CSMD3: variants seen among roughly 807,000 people sequenced by gnomAD.
CSMD3 encodes the protein CUB and Sushi multiple domains 3.
CSMD3 carries 177 observed loss-of-function variants against 435.2 expected under a neutral mutation model. The observed-to-expected ratio is 0.41, with a 90% CI of 0.36 to 0.46. The LOEUF is 0.46. CSMD3 is among the 20% of genes least tolerant of loss of function. The probability of loss-of-function intolerance (pLI) is 0.34; values close to 1 mark genes in which losing one functional copy is unlikely to be tolerated. For synonymous variants in CSMD3, 1,656 were observed against 1,520.5 expected (o/e 1.09, Z -2.07); for missense variants, 4,265 against 4,504.6 (o/e 0.95, Z 1.52).
At chr8:112,973,964 G>A (rs534561581) in intron 7 of CSMD3, among the ~76,000 whole-genome samples, 34 of 151,886 alleles carry the variant, frequency 2.2e-4, no homozygotes, top group African/African-American at 8.2e-4. Flanking sequence ...AAAAATAAAT[G>A]AGGAATACAT....
chr8:112,734,132 G>A (rs2077134052), intron 13 of CSMD3, among the ~76,000 whole-genome samples: 1 of 151,854 alleles, frequency 6.6e-6, no homozygotes, highest in Non-Finnish European at 1.5e-5. Context: ...AACAAAAGAA[G>A]TTGGCCATTT....
intron 2 of CSMD3, among the ~76,000 whole-genome samples, chr8:113,289,953 A>C (rs1290318418): frequency 6.6e-6 from 1 of 151,760 alleles, no homozygotes; most frequent in Non-Finnish European, 1.5e-5. Flanking sequence ...TTAGCAAAAC[A>C]TGAAATTTAC....
At position 112,262,212 on chromosome 8, in the gene CSMD3, C is replaced by T. The variant is rs553285898; in HGVS notation, c.9862+1427G>A. Among the ~76,000 whole-genome samples, 118 of 151,948 alleles carry T rather than the reference C, an allele frequency of 7.8e-4. 1 individual carries two copies. The highest frequency in any genetic ancestry group is 3.4e-3 in the Middle Eastern group (1 of 294). ...GTATGTGTGTGAACTAATTGCCTTG[C>T]AGACTTAATTAAAATGTCCATTCTT... On this transcript the variant is annotated intron_variant, in intron 61 of 70. Transcript: ENST00000297405.
intron 1 of CSMD3, among the ~76,000 whole-genome samples, chr8:113,321,498 G>C (rs1190754845): frequency 6.6e-6 from 1 of 151,910 alleles, no homozygotes; most frequent in Non-Finnish European, 1.5e-5. Flanking sequence ...AGTGTCACTT[G>C]TCATTTATCT....
At chr8:112,859,114 T>C in intron 11 of CSMD3, 31 bp downstream of exon 11, 2 of 1,599,290 alleles carry the variant, frequency 1.3e-6, no homozygotes, top group Non-Finnish European at 1.7e-6. Flanking sequence ...ATTATGACTT[T>C]TTTTTTAAAT....
intron 1 of CSMD3, among the ~76,000 whole-genome samples, chr8:113,329,619 T>A (rs936067349): frequency 6.6e-6 from 1 of 151,994 alleles, no homozygotes; most frequent in African/African-American, 2.4e-5. Context: ...CAAATATGAT[T>A]TCAAAATATT....
intron 3 of CSMD3, among the ~76,000 whole-genome samples, chr8:113,200,995 G>A (rs1564419699): frequency 1.3e-5 from 2 of 151,724 alleles, no homozygotes; most frequent in South Asian, 2.1e-4. Flanking sequence ...AACTCACCAG[G>A]AAGCAAGATC....
chr8:113,173,654 G>C (rs2092304205), intron 4 of CSMD3, 68 bp downstream of exon 4: 1 of 1,234,902 alleles, frequency 8.1e-7, no homozygotes, highest in African/African-American at 1.5e-5. Flanking sequence ...GAAGAAACAG[G>C]CACCAAACAC....
At chr8:112,728,894 T>A (rs192482290) in intron 13 of CSMD3, among the ~76,000 whole-genome samples, 24 of 152,196 alleles carry the variant, frequency 1.6e-4, no homozygotes, top group African/African-American at 5.8e-4. Context: ...AAATAACTTT[T>A]AAAATTGCAT....
chr8:112,872,372 A>G (rs2081160078), intron 10 of CSMD3, among the ~76,000 whole-genome samples: 1 of 152,052 alleles, frequency 6.6e-6, no homozygotes, highest in South Asian at 2.1e-4. Flanking sequence ...GTAGACTAAT[A>G]ATGAAATGCA....
intron 13 of CSMD3, among the ~76,000 whole-genome samples, chr8:112,762,641 G>T (rs942115900): frequency 1.3e-5 from 2 of 151,822 alleles, no homozygotes; most frequent in Non-Finnish European, 2.9e-5. Context: ...ACCACTTAAA[G>T]TTATCAAGTT....
At chr8:112,692,722 C>T (rs2076163255) in intron 13 of CSMD3, among the ~76,000 whole-genome samples, 1 of 152,088 alleles carries the variant, frequency 6.6e-6, no homozygotes, top group African/African-American at 2.4e-5. Context: ...CTGCATTTTG[C>T]TTTCTGTGGT....
intron 3 of CSMD3, among the ~76,000 whole-genome samples, chr8:113,186,327 C>T (rs2092501225): frequency 6.6e-6 from 1 of 151,958 alleles, no homozygotes; most frequent in South Asian, 2.1e-4. Flanking sequence ...GAAGGTTCTA[C>T]CACCATTCAA....
chr8:112,674,500 T>C (rs1255661592), intron 16 of CSMD3, among the ~76,000 whole-genome samples: 1 of 152,104 alleles, frequency 6.6e-6, no homozygotes, highest in Non-Finnish European at 1.5e-5. Context: ...CAACCTTTTG[T>C]AGTTGCCTGT....
At chr8:112,334,930 A>T (rs1824417633) in intron 45 of CSMD3, among the ~76,000 whole-genome samples, 1 of 152,216 alleles carries the variant, frequency 6.6e-6, no homozygotes, top group African/African-American at 2.4e-5. Context: ...AAGCGTGAAG[A>T]TACTGAATGC....
intron 28 of CSMD3, among the ~76,000 whole-genome samples, chr8:112,515,729 T>G (rs2130979239): frequency 6.6e-6 from 1 of 152,212 alleles, no homozygotes; most frequent in South Asian, 2.1e-4. Context: ...GTCTTATTTT[T>G]TACAGCAGAG....
chr8:112,542,207 G>GAA (rs34574338), intron 27 of CSMD3, among the ~76,000 whole-genome samples: 1,477 of 141,978 alleles, frequency 0.01, 11 homozygotes, highest in Admixed American at 0.016. Context: ...ATACTGTCTG[G>GAA]AAAAAAAAAA....
At chr8:112,714,372 C>T (rs1030434766) in intron 13 of CSMD3, among the ~76,000 whole-genome samples, 3 of 152,064 alleles carry the variant, frequency 2.0e-5, no homozygotes, top group Non-Finnish European at 4.4e-5. Flanking sequence ...ATATGAAGAG[C>T]TAACTATTCT....
At chr8:112,321,588 T>G (rs1823000531) in intron 45 of CSMD3, among the ~76,000 whole-genome samples, 1 of 152,116 alleles carries the variant, frequency 6.6e-6, no homozygotes, top group South Asian at 2.1e-4. Flanking sequence ...AGAGATTAAT[T>G]GGCTAATAAA....
Sources: gnomAD v4.1 joint callset for allele counts (sites outside exome capture counted in the v4.1 genomes callset) on GRCh38, gnomAD v4.1.1 for gene constraint, MANE v1.5 for transcripts, NCBI Gene and HGNC (gene_info 2026-07-23, HGNC 2026-07-21) for gene names.